The following MRPS28 variants were observed in gnomAD, a reference collection of about 807,000 sequenced individuals.
MRPS28 encodes the protein small ribosomal subunit protein bS1m.
In MRPS28, 7 loss-of-function variants were observed where a neutral mutation model predicts 10.8. The ratio of observed to expected loss-of-function variants is 0.65; its 90% CI spans 0.37 to 1.22. The LOEUF is 1.22. Ranked by LOEUF, MRPS28 falls within the 50% of genes most tolerant of loss-of-function variation. The pLI, the probability that MRPS28 is intolerant of heterozygous loss-of-function variation, is 0.02. For missense variants in MRPS28, 265 were observed against 232.9 expected, an observed-to-expected ratio of 1.14 and a Z score of -0.90; for synonymous variants, 121 against 93.3, an observed-to-expected ratio of 1.30 and a Z score of -1.71.
chr8:80,020,093 C>T (rs1382475988), intron 1 of MRPS28, among the ~76,000 whole-genome samples: 2 of 152,088 alleles, frequency 1.3e-5, no homozygotes, highest in Non-Finnish European at 2.9e-5. Context: ...AGGGTGGCTT[C>T]CAGGTCATAG....
At chr8:80,009,763 G>C (rs1808980357) in intron 1 of MRPS28, among the ~76,000 whole-genome samples, 2 of 152,102 alleles carry the variant, frequency 1.3e-5, no homozygotes, top group Admixed American at 6.5e-5. Context: ...GAATGGGGTG[G>C]GGGGTGGTTA....
At chr8:80,012,422 C>T (rs182147306) in intron 1 of MRPS28, among the ~76,000 whole-genome samples, 147 of 152,298 alleles carry the variant, frequency 9.7e-4, no homozygotes, top group South Asian at 8.3e-4. Context: ...AATGTAGCAA[C>T]TCCCACAATC....
rs533618941 is a variant in MRPS28 at position 80,025,585 on chromosome 8, C to A, written c.213+4451G>T. 5.3e-5 allele frequency among the ~76,000 whole-genome samples: 8 copies of A among 152,164 alleles called. No individual in the cohort carries two copies. The South Asian group carries it at 1.0e-3, about 20-fold the overall frequency. On this transcript the variant is annotated intron_variant, in intron 1 of 2. Coordinates refer to ENST00000276585, the MANE Select transcript of MRPS28 (RefSeq NM_014018.3). ...ATGCTACATCCACACCATGGAATAC[C>A]AAGCAAATATTATGTAATGATAAGG... is the stretch of plus-strand genomic sequence containing the variant.
chr8:79,946,797 TAA>T (rs1442258474), intron 2 of MRPS28, among the ~76,000 whole-genome samples: 3 of 152,302 alleles, frequency 2.0e-5, no homozygotes, highest in Non-Finnish European at 4.4e-5. Context: ...TTTTTCTAAC[TAA>T]AATAACAAGC....
At chr8:79,970,153 T>C (rs1807595580) in intron 2 of MRPS28, among the ~76,000 whole-genome samples, 1 of 152,134 alleles carries the variant, frequency 6.6e-6, no homozygotes, top group African/African-American at 2.4e-5. Context: ...ATTATCACCA[T>C]TAGTGACTCC....
chr8:80,001,231 G>A (rs1808653408), intron 2 of MRPS28, among the ~76,000 whole-genome samples: 2 of 152,182 alleles, frequency 1.3e-5, no homozygotes. Context: ...TCAATTGTAA[G>A]GAGGGGACTA....
intron 2 of MRPS28, among the ~76,000 whole-genome samples, chr8:79,951,592 A>G (rs1351094750): frequency 6.6e-6 from 1 of 152,146 alleles, no homozygotes; most frequent in Non-Finnish European, 1.5e-5. Flanking sequence ...AGATCTTGAT[A>G]AGTCTGAATC....
intron 1 of MRPS28, among the ~76,000 whole-genome samples, chr8:80,016,125 A>T (rs1429475406): frequency 6.6e-6 from 1 of 152,192 alleles, no homozygotes; most frequent in East Asian, 1.9e-4. Context: ...TATTTGAAAC[A>T]ATAATGACTA....
At chr8:79,959,851 T>C (rs1371930292) in intron 2 of MRPS28, among the ~76,000 whole-genome samples, 1 of 152,184 alleles carries the variant, frequency 6.6e-6, no homozygotes, top group African/African-American at 2.4e-5. Context: ...CAGAGGCTCA[T>C]AATCTTATAA....
intron 2 of MRPS28, among the ~76,000 whole-genome samples, chr8:79,982,629 G>T (rs1248475914): frequency 2.0e-5 from 3 of 152,198 alleles, no homozygotes; most frequent in African/African-American, 7.2e-5. Flanking sequence ...ACCTGGCTCG[G>T]AGGGTCCTAT....
chr8:79,951,217 C>T (rs1232607531), intron 2 of MRPS28, among the ~76,000 whole-genome samples: 1 of 152,164 alleles, frequency 6.6e-6, no homozygotes, highest in Non-Finnish European at 1.5e-5. Flanking sequence ...CGCATGCACC[C>T]AGGGCTTGTT....
intron 1 of MRPS28, among the ~76,000 whole-genome samples, chr8:80,014,789 A>G (rs561327939): frequency 6.6e-6 from 1 of 152,286 alleles, no homozygotes; most frequent in African/African-American, 2.4e-5. Flanking sequence ...CTAATCTAGT[A>G]TTTGTCAACC....
intron 2 of MRPS28, among the ~76,000 whole-genome samples, chr8:79,960,503 T>C (rs1200733687): frequency 1.3e-5 from 2 of 152,104 alleles, no homozygotes; most frequent in African/African-American, 4.8e-5. Flanking sequence ...TGTATAGCAG[T>C]GTGAATGTGG....
At chr8:79,921,065 GT>G (rs1360358370) in intron 2 of MRPS28, among the ~76,000 whole-genome samples, 4 of 152,118 alleles carry the variant, frequency 2.6e-5, no homozygotes, top group African/African-American at 4.8e-5. Flanking sequence ...CCCATTGCTT[GT>G]TTTTGTCAGG....
chr8:79,951,238 C>T (rs1807072057), intron 2 of MRPS28, among the ~76,000 whole-genome samples: 1 of 152,180 alleles, frequency 6.6e-6, no homozygotes, highest in Non-Finnish European at 1.5e-5. Flanking sequence ...AGTCTAGGCT[C>T]ACACACGGTC....
intron 2 of MRPS28, among the ~76,000 whole-genome samples, chr8:79,976,314 C>T (rs1807796779): frequency 6.6e-6 from 1 of 152,140 alleles, no homozygotes; most frequent in Non-Finnish European, 1.5e-5. Context: ...AACTCCTGAC[C>T]TCAGGTGATC....
At chr8:79,947,505 A>C (rs1806950082) in intron 2 of MRPS28, among the ~76,000 whole-genome samples, 1 of 152,062 alleles carries the variant, frequency 6.6e-6, no homozygotes, top group South Asian at 2.1e-4. Flanking sequence ...GAAAGCTGAC[A>C]TCTTAACAAT....
chr8:79,976,563 G>A (rs1807806667), intron 2 of MRPS28, among the ~76,000 whole-genome samples: 1 of 151,966 alleles, frequency 6.6e-6, no homozygotes, highest in Admixed American at 6.6e-5. Flanking sequence ...AAAATTAGCT[G>A]GGCATGGTGT....
intron 1 of MRPS28, among the ~76,000 whole-genome samples, chr8:80,016,130 T>C (rs1809188156): frequency 6.6e-6 from 1 of 152,108 alleles, no homozygotes; most frequent in Non-Finnish European, 1.5e-5. Flanking sequence ...GAAACAATAA[T>C]GACTAAGACT....
Sources: allele counts gnomAD v4.1 joint callset (sites outside exome capture counted in the v4.1 genomes callset), GRCh38; gene constraint gnomAD v4.1.1; transcripts MANE v1.5; gene names NCBI Gene and HGNC (gene_info 2026-07-23, HGNC 2026-07-21).